GINS1: variants seen among roughly 807,000 people sequenced by gnomAD.
The protein encoded by GINS1 is GINS complex subunit 1, also known as DNA replication complex GINS protein PSF1.
GINS1 carries 26 observed loss-of-function variants against 34.9 expected under a neutral mutation model. The ratio of observed to expected loss-of-function variants is 0.74; its 90% CI spans 0.55 to 1.03. GINS1 has a LOEUF of 1.03. Ranked by LOEUF, GINS1 falls within the 50% of genes least tolerant of loss-of-function variation. GINS1 has a pLI of 0.00. For synonymous variants in GINS1, 97 were observed against 84.4 expected (o/e 1.15, Z -0.82); for missense variants, 235 against 237.9 (o/e 0.99, Z 0.08).
chr20:25,441,613 T>C (rs2090482308), intron 5 of GINS1, 89 bp from the exon 6 acceptor site: 1 of 690,540 alleles, frequency 1.4e-6, no homozygotes, highest in African/African-American at 1.8e-5. Context: ...GTCCTTATTG[T>C]CTGTGTATTT....
At chr20:25,442,505 C>A (rs933694517) in intron 6 of GINS1, among the ~76,000 whole-genome samples, 3 of 151,976 alleles carry the variant, frequency 2.0e-5, no homozygotes, top group Non-Finnish European at 4.4e-5. Context: ...CAGGTGTGAA[C>A]CACCATGCCT....
chr20:25,426,183 A>G (rs939145526), intron 5 of GINS1, among the ~76,000 whole-genome samples: 4 of 152,144 alleles, frequency 2.6e-5, no homozygotes, highest in Non-Finnish European at 5.9e-5. Flanking sequence ...ACAAATGACA[A>G]GTTATTTGTC....
At chr20:25,416,160 C>G (rs949648332) in intron 2 of GINS1, among the ~76,000 whole-genome samples, 1 of 152,112 alleles carries the variant, frequency 6.6e-6, no homozygotes, top group African/African-American at 2.4e-5. Flanking sequence ...GTGGGGGAAG[C>G]TGGTCACCAG....
At chr20:25,420,009 C>T (rs1235008610) in intron 4 of GINS1, among the ~76,000 whole-genome samples, 3 of 151,948 alleles carry the variant, frequency 2.0e-5, no homozygotes, top group Non-Finnish European at 2.9e-5. Context: ...TGCATTTATT[C>T]AAGCACATCA....
intron 1 of GINS1, chr20:25,409,030 T>C: frequency 4.1e-6 from 4 of 985,150 alleles, no homozygotes; most frequent in Non-Finnish European, 4.8e-6. Flanking sequence ...AGGTGATATA[T>C]GAGCCTTTCC....
At chr20:25,421,300 T>C (rs2090353960) in intron 4 of GINS1, among the ~76,000 whole-genome samples, 2 of 152,208 alleles carry the variant, frequency 1.3e-5, no homozygotes. Flanking sequence ...CTGGGAGTGA[T>C]GATTTCAATA....
intron 1 of GINS1, chr20:25,411,345 A>G (rs1302903686): frequency 6.6e-6 from 1 of 152,204 alleles, no homozygotes; most frequent in Non-Finnish European, 1.5e-5. Context: ...ATCAGGAATT[A>G]CATCTTTTGA....
At chr20:25,422,172 C>G (rs1020784873) in intron 4 of GINS1, among the ~76,000 whole-genome samples, 2 of 152,088 alleles carry the variant, frequency 1.3e-5, no homozygotes, top group African/African-American at 4.8e-5. Flanking sequence ...TCCCATGTAT[C>G]CATCACCCTG....
intron 5 of GINS1, among the ~76,000 whole-genome samples, chr20:25,439,917 C>T (rs2090473298): frequency 3.3e-5 from 5 of 151,324 alleles, no homozygotes; most frequent in Admixed American, 2.0e-4. Context: ...ATTGCTTGAA[C>T]CTGGGAAGCG....
At chr20:25,440,614 C>A (rs556755440) in intron 5 of GINS1, among the ~76,000 whole-genome samples, 1 of 152,098 alleles carries the variant, frequency 6.6e-6, no homozygotes, top group Non-Finnish European at 1.5e-5. Context: ...AGTTCGAAAC[C>A]AGCCTGGCCA....
Position 25,441,706 on chromosome 20 carries a change from G to T in GINS1, c.452G>T (p.Arg151Leu). Residue 151 changes from arginine to leucine, a missense_variant, in exon 6 of 7, where the codon CGG becomes CTG. By Grantham distance (102) the Arg-to-Leu change is moderately radical (BLOSUM62 -2). Transcript: ENST00000262460. ...ATCTCTCATTTTTTCTTTCAGGTCC[G>T]GTGTCTAAAAGACTATGGAGAATTT... ...KPPKSLYIEV[R>L]CLKDYGEFEV... is the part of the protein sequence containing the mutation. The T allele has an allele frequency of 6.6e-7, 1 of 1,512,410 alleles. No homozygotes were observed. The highest frequency in any genetic ancestry group is 9.0e-7 in the Non-Finnish European group (1 of 1,107,186). The allele number at this position is 1,512,410 out of a possible 1,614,324, so 93.7% of individuals were successfully genotyped here.
At chr20:25,444,218 T>C (rs1568812286) in intron 6 of GINS1, among the ~76,000 whole-genome samples, 2 of 151,980 alleles carry the variant, frequency 1.3e-5, no homozygotes, top group African/African-American at 4.8e-5. Flanking sequence ...TTTCACCATG[T>C]TGATCAGGCT....
chr20:25,442,965 A>G (rs2090490953), intron 6 of GINS1: 1 of 152,108 alleles, frequency 6.6e-6, no homozygotes, highest in Non-Finnish European at 1.5e-5. Flanking sequence ...ATGACCTAAT[A>G]AAAGCTGTTC....
chr20:25,428,473 G>A (rs1378302837), intron 5 of GINS1, among the ~76,000 whole-genome samples: 1 of 131,252 alleles, frequency 7.6e-6, no homozygotes, highest in Non-Finnish European at 1.5e-5. Flanking sequence ...GCACAATCTC[G>A]GCTCACTGCA....
intron 6 of GINS1, 80 bp downstream of exon 6, chr20:25,441,856 T>C (rs1042018969): frequency 8.3e-6 from 6 of 725,218 alleles, no homozygotes; most frequent in East Asian, 2.5e-5. Flanking sequence ...AAAATAAATA[T>C]CAACTTTTGA....
chr20:25,425,039 A>G (rs1003492350), intron 4 of GINS1, among the ~76,000 whole-genome samples, 172 bp from the exon 5 acceptor site: 6 of 152,186 alleles, frequency 3.9e-5, no homozygotes, highest in Admixed American at 1.3e-4. Flanking sequence ...GATTCATTGT[A>G]AGTACCCAGA....
rs868297632 is a variant in GINS1 at position 25,447,362 on chromosome 20, A to G, written c.*1371A>G. 2 of 152,158 alleles carry G rather than the reference A, an allele frequency of 1.3e-5. No individual in the cohort carries two copies. The highest frequency in any genetic ancestry group is 4.1e-4 in the South Asian group (2 of 4,832). The allele number at this position is 152,158 out of a possible 1,614,324, so 9.4% of individuals were successfully genotyped here. A position where few individuals can be genotyped will look rare whatever the true frequency, so the allele number is the denominator to read the frequency against. On this transcript the variant is annotated 3_prime_UTR_variant, in exon 7 of 7. Transcript: ENST00000262460. Reference sequence around the variant, plus strand: ...ATGATCCATTTTGAATGAATTTTTTATATGGTGCAAGGTGTCAATCCACCT... The same window carrying G: ...ATGATCCATTTTGAATGAATTTTTTGTATGGTGCAAGGTGTCAATCCACCT...
intron 5 of GINS1, among the ~76,000 whole-genome samples, chr20:25,435,810 C>CTTTT (rs199615377): frequency 1.8e-5 from 2 of 108,502 alleles, no homozygotes; most frequent in Non-Finnish European, 3.5e-5. Context: ...TAGAGTTACA[C>CTTTT]TTTTTTTTTT....
intron 5 of GINS1, among the ~76,000 whole-genome samples, chr20:25,431,911 A>C (rs1300546094): frequency 6.6e-6 from 1 of 151,454 alleles, no homozygotes; most frequent in Non-Finnish European, 1.5e-5. Flanking sequence ...TGTATTTTCC[A>C]GGCTGGAGTG....
Sources: gnomAD v4.1 joint callset for allele counts (sites outside exome capture counted in the v4.1 genomes callset) on GRCh38, gnomAD v4.1.1 for gene constraint, MANE v1.5 for transcripts, NCBI Gene and HGNC (gene_info 2026-07-23, HGNC 2026-07-21) for gene names.